The following DPY19L1 variants were observed in gnomAD, a reference collection of about 807,000 sequenced individuals.
The protein encoded by DPY19L1 is protein C-mannosyl-transferase DPY19L1.
DPY19L1 carries 35 observed loss-of-function variants against 96.9 expected under a neutral mutation model. The observed-to-expected ratio is 0.36, with a 90% CI of 0.28 to 0.48. DPY19L1 has a LOEUF of 0.48. DPY19L1 is among the 20% of genes least tolerant of loss of function. The probability of loss-of-function intolerance (pLI) is 0.99; values close to 1 mark genes in which losing one functional copy is unlikely to be tolerated. For synonymous variants in DPY19L1, 205 were observed against 252.6 expected (o/e 0.81, Z 1.79); for missense variants, 521 against 777.9 (o/e 0.67, Z 3.93).
intron 7 of DPY19L1, among the ~76,000 whole-genome samples, chr7:34,977,493 A>G (rs1244305101): frequency 6.6e-6 from 1 of 152,218 alleles, no homozygotes; most frequent in African/African-American, 2.4e-5. Flanking sequence ...CAGGACTGTA[A>G]TGAAGGGCAA....
intron 21 of DPY19L1, among the ~76,000 whole-genome samples, chr7:34,937,350 C>T (rs973343847): frequency 6.6e-6 from 1 of 152,188 alleles, no homozygotes; most frequent in African/African-American, 2.4e-5. Flanking sequence ...CATGGTGTAG[C>T]ACAGAGACCC....
chr7:34,999,351 G>A (rs1220425218), intron 6 of DPY19L1, among the ~76,000 whole-genome samples: 1 of 152,106 alleles, frequency 6.6e-6, no homozygotes, highest in African/African-American at 2.4e-5. Context: ...TCAACAACCA[G>A]GCAAACCAGT....
At chr7:35,029,881 A>T (rs1336587941) in intron 1 of DPY19L1, among the ~76,000 whole-genome samples, 3 of 152,184 alleles carry the variant, frequency 2.0e-5, no homozygotes, top group Non-Finnish European at 4.4e-5. Flanking sequence ...ACACGGATGT[A>T]ATTAACAAAG....
chr7:34,942,808 A>T (rs1649217), intron 16 of DPY19L1, among the ~76,000 whole-genome samples, 169 bp from the exon 17 acceptor site: 1 of 152,086 alleles, frequency 6.6e-6, no homozygotes, highest in Non-Finnish European at 1.5e-5. Context: ...CTGGTGCTAT[A>T]CTATTTTAAG....
rs190396536 is a variant in DPY19L1, at chr7:34,975,230, C to T, written c.823-1625G>A. The stretch of plus-strand genomic sequence containing the variant: ...AGCCGAGAGAGGCCAAAAGCTAGGC[C>T]TCTTATGCCTAACAGTCAGAAATGC... On this transcript the variant is annotated intron_variant, in intron 7 of 21. Transcript: ENST00000638088. Among the ~76,000 whole-genome samples, 32 of 152,276 alleles carry T rather than the reference C, an allele frequency of 2.1e-4. 1 individual carries two copies. Among genetic ancestry groups the T allele is most frequent in the Admixed American group, 1.4e-3 (22 of 15,298 alleles).
chr7:34,996,285 C>G (rs1215937630), intron 6 of DPY19L1, among the ~76,000 whole-genome samples: 3 of 152,164 alleles, frequency 2.0e-5, no homozygotes, highest in African/African-American at 4.8e-5. Context: ...TTGGTACTGG[C>G]CCAAAAACCA....
chr7:35,018,676 C>T (rs1785918038), intron 1 of DPY19L1, 80 bp from the exon 2 acceptor site: 10 of 1,266,024 alleles, frequency 7.9e-6, no homozygotes, highest in Admixed American at 5.8e-5. Flanking sequence ...AAAGATAAAG[C>T]ATGTCAAATA....
intron 10 of DPY19L1, among the ~76,000 whole-genome samples, chr7:34,964,350 A>G (rs1784567414): frequency 6.6e-6 from 1 of 152,190 alleles, no homozygotes; most frequent in African/African-American, 2.4e-5. Flanking sequence ...CTATGTGACC[A>G]GCCAACTCTG....
intron 6 of DPY19L1, among the ~76,000 whole-genome samples, chr7:35,002,213 G>T (rs1056776818): frequency 6.6e-6 from 1 of 151,096 alleles, no homozygotes; most frequent in Non-Finnish European, 1.5e-5. Flanking sequence ...TTCTGGGAGG[G>T]TAAAAACATC....
At chr7:34,993,358 C>G (rs1211775026) in intron 6 of DPY19L1, among the ~76,000 whole-genome samples, 3 of 152,038 alleles carry the variant, frequency 2.0e-5, no homozygotes. Context: ...TCCCTTTTAC[C>G]AGCGAAATGA....
chr7:35,035,134 G>A (rs946688830), intron 1 of DPY19L1, among the ~76,000 whole-genome samples: 1 of 152,160 alleles, frequency 6.6e-6, no homozygotes, highest in Non-Finnish European at 1.5e-5. Flanking sequence ...CTCTCAAGGT[G>A]CCCTGGGGCC....
chr7:34,958,692 T>C (rs926503995), intron 10 of DPY19L1, among the ~76,000 whole-genome samples: 10 of 152,196 alleles, frequency 6.6e-5, no homozygotes, highest in African/African-American at 2.4e-4. Flanking sequence ...AAAAAGATTG[T>C]GGCAATTCAC....
intron 6 of DPY19L1, among the ~76,000 whole-genome samples, chr7:34,999,988 ATGGGGCAAGGGACCACTGACGTACT>A (rs1380527583): frequency 2.6e-5 from 4 of 152,210 alleles, no homozygotes; most frequent in Non-Finnish European, 5.9e-5. Context: ...GGGAAGACAG[ATGGGGCAAGGGACCACTGACGTACT>A]TGATTATAAA....
chr7:35,004,507 G>T (rs767842079), intron 6 of DPY19L1, among the ~76,000 whole-genome samples: 6 of 152,072 alleles, frequency 3.9e-5, no homozygotes, highest in Non-Finnish European at 8.8e-5. Flanking sequence ...GTATTAAGAA[G>T]GAATTTTAAG....
intron 7 of DPY19L1, among the ~76,000 whole-genome samples, chr7:34,976,491 G>C (rs1784833310): frequency 1.3e-5 from 2 of 152,276 alleles, no homozygotes; most frequent in South Asian, 2.1e-4. Flanking sequence ...TGACAAAAAA[G>C]GATTTAGAAC....
At chr7:34,964,036 G>T (rs1584222632) in intron 10 of DPY19L1, among the ~76,000 whole-genome samples, 1 of 152,042 alleles carries the variant, frequency 6.6e-6, no homozygotes, top group African/African-American at 2.4e-5. Flanking sequence ...CAATGTGAAT[G>T]TACTTAATAT....
At position 35,011,428 on chromosome 7, in the gene DPY19L1, C is replaced by T. The variant is rs747280371; in HGVS notation, c.572G>A (p.Arg191Gln). ...YPEVILASWY[R>Q]IYTKIMDLIG... ...CAAGTCCATTATTTTGGTATAAATC[C>T]GGTACCAACTGGCCAAAATTACCTA... The change falls in exon 5 of 22, where the codon CGG (arginine) becomes CAG (glutamine). Residue 191 changes from arginine (R) to glutamine (Q), a missense_variant. Coordinates refer to ENST00000638088, the MANE Select transcript of DPY19L1 (RefSeq NM_001366673.1). 1.1e-5 allele frequency: 17 copies of T among 1,607,104 alleles called. No individual in the cohort carries two copies. Among genetic ancestry groups the T allele is most frequent in the Admixed American group, 6.9e-5 (4 of 57,712 alleles).
intron 7 of DPY19L1, among the ~76,000 whole-genome samples, chr7:34,984,530 T>C (rs1785008157): frequency 6.6e-6 from 1 of 152,172 alleles, no homozygotes; most frequent in East Asian, 1.9e-4. Flanking sequence ...GTAGGCTACT[T>C]TTCTATTGTA....
intron 16 of DPY19L1, among the ~76,000 whole-genome samples, chr7:34,943,529 G>C (rs1784070937): frequency 6.6e-6 from 1 of 152,122 alleles, no homozygotes; most frequent in African/African-American, 2.4e-5. Flanking sequence ...CTGGGTCTTT[G>C]AGTAAAGAGA....
Sources: allele counts gnomAD v4.1 joint callset (sites outside exome capture counted in the v4.1 genomes callset), GRCh38; gene constraint gnomAD v4.1.1; transcripts MANE v1.5; gene names NCBI Gene and HGNC (gene_info 2026-07-23, HGNC 2026-07-21).